Variants in COTL1 observed in about 807,000 individuals in gnomAD.
COTL1 encodes the protein coactosin-like protein.
In COTL1, 15 loss-of-function variants were observed where a neutral mutation model predicts 16.5. The ratio of observed to expected loss-of-function variants is 0.91; its 90% confidence interval spans 0.61 to 1.40. COTL1 has a LOEUF of 1.40. Ranked by LOEUF, COTL1 falls within the 40% of genes most tolerant of loss-of-function variation. The pLI, the probability that COTL1 is intolerant of heterozygous loss-of-function variation, is 0.00. For missense variants in COTL1, 220 were observed against 201.5 expected, an observed-to-expected ratio of 1.09 and a Z score of -0.56; for synonymous variants, 112 against 85.3, an observed-to-expected ratio of 1.31 and a Z score of -1.73.
At chr16:84,587,629 G>C (rs923797928) in intron 3 of COTL1, among the ~76,000 whole-genome samples, 1 of 152,012 alleles carries the variant, frequency 6.6e-6, no homozygotes, top group Non-Finnish European at 1.5e-5. Flanking sequence ...AAAAAAAGCA[G>C]CTGCAGATGA....
At chr16:84,616,848 A>G (rs1905499332) in intron 2 of COTL1, among the ~76,000 whole-genome samples, 1 of 152,032 alleles carries the variant, frequency 6.6e-6, no homozygotes, top group African/African-American at 2.4e-5. Context: ...CAGATCAACA[A>G]ATGTCTACAG....
At chr16:84,599,040 A>C (rs1278251148) in intron 2 of COTL1, among the ~76,000 whole-genome samples, 1 of 152,072 alleles carries the variant, frequency 6.6e-6, no homozygotes, top group Non-Finnish European at 1.5e-5. Context: ...AAAAGTTACA[A>C]ACGGCATATG....
At chr16:84,570,037 G>A (rs941827343) in intron 3 of COTL1, among the ~76,000 whole-genome samples, 1 of 152,204 alleles carries the variant, frequency 6.6e-6, no homozygotes, top group African/African-American at 2.4e-5. Context: ...CAGCACTTTG[G>A]GAGGCTGAGG....
chr16:84,567,162 G>A, intron 3 of COTL1: 1 of 525,574 alleles, frequency 1.9e-6, no homozygotes, highest in South Asian at 2.0e-5. Flanking sequence ...GAAAAAACCT[G>A]ACTGGGAGGA....
rs540616090 is a variant in COTL1 at position 84,610,689 on chromosome 16, T to C, written c.160+6812A>G. ...TTGGTTGACCAGGATTATTATGAAATGGAAGGGAGAGGTTCCCCCAAAGGA... is the reference window on the plus strand; with the variant it reads ...TTGGTTGACCAGGATTATTATGAAACGGAAGGGAGAGGTTCCCCCAAAGGA... On this transcript the variant is annotated intron_variant, in intron 2 of 3. Coordinates refer to ENST00000262428, the MANE Select transcript of COTL1 (RefSeq NM_021149.5). Among the ~76,000 whole-genome samples, 17 of 151,792 alleles carry C rather than the reference T, an allele frequency of 1.1e-4. 1 individual carries two copies. The South Asian group carries it at 2.7e-3, about 24-fold the overall frequency.
intron 3 of COTL1, among the ~76,000 whole-genome samples, chr16:84,581,998 T>G (rs1904606938): frequency 8.2e-6 from 1 of 121,640 alleles, no homozygotes; most frequent in African/African-American, 4.1e-5. Flanking sequence ...TTTTTTTTTT[T>G]TTTTTGAGAT....
chr16:84,601,196 G>A (rs1408594584), intron 2 of COTL1, among the ~76,000 whole-genome samples: 3 of 152,112 alleles, frequency 2.0e-5, no homozygotes, highest in Admixed American at 6.5e-5. Context: ...CTCTTCCATC[G>A]CTGTGGGTTG....
chr16:84,580,423 A>G (rs966381002), intron 3 of COTL1, among the ~76,000 whole-genome samples: 1 of 151,936 alleles, frequency 6.6e-6, no homozygotes, highest in African/African-American at 2.4e-5. Flanking sequence ...ATTTTTTCAT[A>G]TATTTTTTGT....
At chr16:84,577,866 G>A (rs1167109926) in intron 3 of COTL1, among the ~76,000 whole-genome samples, 2 of 152,132 alleles carry the variant, frequency 1.3e-5, no homozygotes, top group Non-Finnish European at 1.5e-5. Context: ...CCTATGCCTG[G>A]ATCTGTGACC....
At chr16:84,584,480 T>A (rs1225933725) in intron 3 of COTL1, among the ~76,000 whole-genome samples, 1 of 152,226 alleles carries the variant, frequency 6.6e-6, no homozygotes, top group Admixed American at 6.5e-5. Flanking sequence ...TTTCCCCATA[T>A]GCTGATGCAC....
chr16:84,593,435 C>T (rs956936013), intron 2 of COTL1, among the ~76,000 whole-genome samples: 1 of 152,142 alleles, frequency 6.6e-6, no homozygotes, highest in African/African-American at 2.4e-5. Context: ...CAAACATCAG[C>T]CTGGGCTGCC....
intron 2 of COTL1, among the ~76,000 whole-genome samples, chr16:84,592,747 C>G (rs1050711561): frequency 2.6e-5 from 4 of 152,194 alleles, no homozygotes; most frequent in Non-Finnish European, 5.9e-5. Context: ...CTGACAAGCT[C>G]ACTTCCTGGT....
chr16:84,601,412 G>A (rs1353227848), intron 2 of COTL1, among the ~76,000 whole-genome samples: 2 of 152,226 alleles, frequency 1.3e-5, no homozygotes, highest in Non-Finnish European at 2.9e-5. Flanking sequence ...CTGGGCAGCT[G>A]TGACCAGGAC....
rs1024062652 is a variant in COTL1 at position 84,565,657 on chromosome 16, T to C, written c.*1188A>G. ...ACTGTCTGAGTGCAGAGATGTTCTT[T>C]ACAATCCCAATACAGTACAGATTTC... On this transcript the variant is annotated 3_prime_UTR_variant, in exon 4 of 4. Transcript: ENST00000262428. 11 of 152,632 alleles carry C rather than the reference T, an allele frequency of 7.2e-5. No individual in the cohort carries two copies. The highest frequency in any genetic ancestry group is 2.7e-4 in the African/African-American group (11 of 41,454). 9.5% of individuals were successfully genotyped at this position (152,632 alleles called of 1,614,324 possible). A position where few individuals can be genotyped will look rare whatever the true frequency, so the allele number is the denominator to read the frequency against.
In COTL1 at chr16:84,617,950, G is replaced by A. The variant is rs568111787; in HGVS notation, c.-36C>T. Reference sequence around the variant, plus strand: ...CCGCAGCGGGACACTGTCCGGGGCGGCCGAGCGCGCCCCTGGCCGGCGGCG... The same window carrying A: ...CCGCAGCGGGACACTGTCCGGGGCGACCGAGCGCGCCCCTGGCCGGCGGCG... On this transcript the variant is annotated 5_prime_UTR_variant, in exon 1 of 4. Transcript: ENST00000262428. 1,117 of 1,489,250 alleles carry A rather than the reference G, an allele frequency of 7.5e-4. 24 individuals are homozygous for A. The South Asian group carries it at 0.013, about 18-fold the overall frequency. The allele number at this position is 1,489,250 out of a possible 1,614,324, so 92.3% of individuals were successfully genotyped here. A position where few individuals can be genotyped will look rare whatever the true frequency, so the allele number is the denominator to read the frequency against.
intron 3 of COTL1, among the ~76,000 whole-genome samples, chr16:84,577,709 C>A (rs892424539): frequency 1.3e-5 from 2 of 152,140 alleles, no homozygotes; most frequent in African/African-American, 4.8e-5. Context: ...GGAACAAAAG[C>A]CAAGACAGAG....
Position 84,566,899 on chromosome 16 carries a change from G to C in COTL1, c.375C>G (p.Ile125Met). ...CCCCCGCCTTCTTCAGCTCGCTCTTGATGAAATCTTCCTCCAGCTCCTTCC... is the reference window on the plus strand; with the variant it reads ...CCCCCGCCTTCTTCAGCTCGCTCTTCATGAAATCTTCCTCCAGCTCCTTCC... ...SDRKELEEDF[I>M]KSELKKAGGA... Residue 125 changes from isoleucine (I) to methionine (M), a missense_variant, in exon 4 of 4, where the codon ATC becomes ATG. By Grantham distance (10) the Ile-to-Met change is conservative. Coordinates refer to ENST00000262428, the MANE Select transcript of COTL1 (RefSeq NM_021149.5). 6.2e-7 allele frequency: 1 copy of C among 1,614,078 alleles called. No individual in the cohort carries two copies. Among genetic ancestry groups the C allele is most frequent in the Non-Finnish European group, 8.5e-7 (1 of 1,179,970 alleles).
intron 2 of COTL1, among the ~76,000 whole-genome samples, chr16:84,611,450 C>G (rs750871485): frequency 1.3e-5 from 2 of 152,192 alleles, no homozygotes; most frequent in Non-Finnish European, 2.9e-5. Flanking sequence ...TCTAAAATAT[C>G]TATGATCCCC....
intron 2 of COTL1, among the ~76,000 whole-genome samples, chr16:84,604,423 T>G (rs1808568): frequency 0.27 from 40,977 of 149,228 alleles, 6,401 homozygotes; most frequent in African/African-American, 0.43. Flanking sequence ...CCTAAGATAT[T>G]ATTTACACAG....
Sources: allele counts gnomAD v4.1 joint callset (sites outside exome capture counted in the v4.1 genomes callset), GRCh38; gene constraint gnomAD v4.1.1; transcripts MANE v1.5; gene names NCBI Gene and HGNC (gene_info 2026-07-23, HGNC 2026-07-21).